LUZP2: variants seen among roughly 807,000 people sequenced by gnomAD.
LUZP2 encodes leucine zipper protein 2.
A neutral mutation model predicts 51.6 loss-of-function variants in LUZP2; 52 were observed. The ratio of observed to expected loss-of-function variants is 1.01; its 90% CI spans 0.81 to 1.27. The LOEUF is 1.27. Among genes scored for constraint, LUZP2 ranks in the 50% most tolerant of loss-of-function variants. The pLI is 0.00. For missense variants in LUZP2, 436 were observed against 395.4 expected (o/e 1.10, Z -0.87); for synonymous variants, 154 against 137.3 (o/e 1.12, Z -0.85).
At chr11:24,562,852 A>C in intron 1 of LUZP2, among the ~76,000 whole-genome samples, 1 of 133,302 alleles carries the variant, frequency 7.5e-6, no homozygotes, top group Non-Finnish European at 1.6e-5. Context: ...ACAGAGTGAG[A>C]CTCCATCTCT....
intron 1 of LUZP2, among the ~76,000 whole-genome samples, chr11:24,559,897 G>T (rs1175188341): frequency 1.3e-5 from 2 of 152,142 alleles, no homozygotes; most frequent in Non-Finnish European, 2.9e-5. Context: ...CTCCAAGACT[G>T]GTGTTTTTTT....
intron 5 of LUZP2, among the ~76,000 whole-genome samples, chr11:24,824,076 G>T (rs1347086564): frequency 6.7e-6 from 1 of 149,332 alleles, no homozygotes; most frequent in Non-Finnish European, 1.5e-5. Context: ...AAAAAGAGTG[G>T]TACCTGGGTG....
intron 1 of LUZP2, among the ~76,000 whole-genome samples, chr11:24,648,738 A>G (rs888993678): frequency 1.3e-5 from 2 of 151,918 alleles, no homozygotes; most frequent in African/African-American, 4.8e-5. Flanking sequence ...GATAAGGGGT[A>G]TATGCATACA....
chr11:24,636,041 G>A (rs753006405), intron 1 of LUZP2, among the ~76,000 whole-genome samples: 5 of 152,084 alleles, frequency 3.3e-5, no homozygotes, highest in East Asian at 1.9e-4. Flanking sequence ...ATTGTCAGTC[G>A]AGAAAAAATA....
intron 9 of LUZP2, among the ~76,000 whole-genome samples, chr11:25,005,581 G>T (rs1404891625): frequency 6.6e-6 from 1 of 152,016 alleles, no homozygotes; most frequent in Non-Finnish European, 1.5e-5. Context: ...GTTGATGCCT[G>T]TTTCCCATCT....
chr11:25,010,887 G>A (rs1465181814), intron 9 of LUZP2, among the ~76,000 whole-genome samples: 2 of 152,108 alleles, frequency 1.3e-5, no homozygotes, highest in Middle Eastern at 3.2e-3. Context: ...ACACTGCGAA[G>A]TGGTAGGAAG....
intron 6 of LUZP2, among the ~76,000 whole-genome samples, chr11:24,910,403 G>A (rs1853589002): frequency 6.6e-6 from 1 of 152,178 alleles, no homozygotes; most frequent in African/African-American, 2.4e-5. Flanking sequence ...CCCATCATAT[G>A]CCCAGAGGTC....
chr11:24,769,034 C>T (rs1860300344), intron 5 of LUZP2, among the ~76,000 whole-genome samples: 1 of 152,078 alleles, frequency 6.6e-6, no homozygotes, highest in Non-Finnish European at 1.5e-5. Flanking sequence ...TATATATAAA[C>T]AATGAAATAC....
At chr11:24,545,188 A>C (rs1330398366) in intron 1 of LUZP2, among the ~76,000 whole-genome samples, 1 of 147,954 alleles carries the variant, frequency 6.8e-6, no homozygotes, top group East Asian at 2.0e-4. Flanking sequence ...GGTCTTTGCC[A>C]GATGCATACT....
intron 4 of LUZP2, among the ~76,000 whole-genome samples, chr11:24,744,555 A>G (rs1040959707): frequency 6.6e-6 from 1 of 152,016 alleles, no homozygotes; most frequent in Admixed American, 6.6e-5. Flanking sequence ...CAGTTGTAAT[A>G]TCTCCTGTTT....
chr11:24,614,742 C>T (rs1854233196), intron 1 of LUZP2, among the ~76,000 whole-genome samples: 1 of 151,950 alleles, frequency 6.6e-6, no homozygotes, highest in Non-Finnish European at 1.5e-5. Context: ...ATTACCTGAC[C>T]CACCTTAAAG....
chr11:25,078,171 A>G (rs1310773954), intron 11 of LUZP2, among the ~76,000 whole-genome samples: 1 of 152,164 alleles, frequency 6.6e-6, no homozygotes, highest in Admixed American at 6.5e-5. Flanking sequence ...CTGAATTTTT[A>G]TTTGTACTGT....
At chr11:24,497,353 C>G (rs755035839) in intron 1 of LUZP2, 48 bp downstream of exon 1, 2 of 1,411,988 alleles carry the variant, frequency 1.4e-6, no homozygotes, top group Middle Eastern at 2.5e-4. Flanking sequence ...GCTGCCGGGG[C>G]GAGGTTGGTC....
intron 5 of LUZP2, among the ~76,000 whole-genome samples, chr11:24,890,221 CAG>C (rs1348380444): frequency 2.6e-5 from 4 of 152,010 alleles, no homozygotes; most frequent in African/African-American, 7.3e-5. Flanking sequence ...AGAAAAGATA[CAG>C]AGTCTCAAAT....
At chr11:24,958,744 A>G (rs190718907) in intron 7 of LUZP2, among the ~76,000 whole-genome samples, 178 of 149,724 alleles carry the variant, frequency 1.2e-3, no homozygotes, top group African/African-American at 3.6e-3. Flanking sequence ...CTGTGCAGAA[A>G]CTCTTTAGTT....
chr11:24,655,935 A>T (rs940986503), intron 1 of LUZP2, among the ~76,000 whole-genome samples: 1 of 152,196 alleles, frequency 6.6e-6, no homozygotes, highest in Non-Finnish European at 1.5e-5. Context: ...ATTAAAGATT[A>T]TCCTTGTTTT....
intron 5 of LUZP2, among the ~76,000 whole-genome samples, chr11:24,860,067 A>G (rs375723587): frequency 2.0e-4 from 30 of 152,258 alleles, no homozygotes; most frequent in African/African-American, 7.2e-4. Context: ...GAAGGGCAGC[A>G]CCCATCTCTA....
intron 10 of LUZP2, among the ~76,000 whole-genome samples, chr11:25,061,712 AT>A (rs944964995): frequency 2.6e-5 from 4 of 152,034 alleles, no homozygotes; most frequent in Admixed American, 6.6e-5. Flanking sequence ...AATATTTGAT[AT>A]TTTTTCTTTT....
At chr11:25,038,262 A>G (rs1391554483) in intron 9 of LUZP2, among the ~76,000 whole-genome samples, 1 of 152,082 alleles carries the variant, frequency 6.6e-6, no homozygotes, top group Non-Finnish European at 1.5e-5. Flanking sequence ...CCATTAGTAG[A>G]GCTTTGAGAT....
Sources: allele counts gnomAD v4.1 joint callset (sites outside exome capture counted in the v4.1 genomes callset), GRCh38; gene constraint gnomAD v4.1.1; transcripts MANE v1.5; gene names NCBI Gene and HGNC (gene_info 2026-07-23, HGNC 2026-07-21).